ACOT7: variants seen among roughly 807,000 people sequenced by gnomAD.
ACOT7 encodes cytosolic acyl coenzyme A thioester hydrolase.
In ACOT7, 12 loss-of-function variants were observed where a neutral mutation model predicts 40.2. The observed-to-expected ratio is 0.30, with a 90% CI of 0.19 to 0.48. The LOEUF (loss-of-function observed/expected upper bound fraction) is 0.48, where lower values mean the gene tolerates loss of function less well. Ranked by LOEUF, ACOT7 falls within the 20% of genes least tolerant of loss-of-function variation. The pLI is 0.99. For missense variants in ACOT7, 395 were observed against 530.8 expected (o/e 0.74, Z 2.51); for synonymous variants, 228 against 219.5 (o/e 1.04, Z -0.34).
intron 1 of ACOT7, among the ~76,000 whole-genome samples, chr1:6,386,469 C>T (rs548069724): frequency 6.6e-6 from 1 of 152,298 alleles, no homozygotes; most frequent in South Asian, 2.1e-4. Context: ...CCACCTGCTC[C>T]CCATGCCAGG....
Position 6,278,135 on chromosome 1 carries a change from C to T in ACOT7, c.1014+2967G>A, listed in dbSNP as rs1259966876. Reference sequence around the variant, plus strand: ...TGGCGGAGGCGACGCTTCTCTAGAGCGGTTGTGGGTGCCCTTCTAAGGAAA... The same window carrying T: ...TGGCGGAGGCGACGCTTCTCTAGAGTGGTTGTGGGTGCCCTTCTAAGGAAA... On this transcript the variant is annotated intron_variant, in intron 8 of 8. Transcript: ENST00000361521. The surrounding 1 kb of genome is among the most constrained non-coding windows in gnomAD (Gnocchi z 4.1). Among the ~76,000 whole-genome samples the T allele has an allele frequency of 1.3e-5, 2 of 152,020 alleles. No individual in the cohort carries two copies. The highest frequency in any genetic ancestry group is 2.4e-5 in the African/African-American group (1 of 41,360).
At chr1:6,316,742 G>A (rs922391858) in intron 6 of ACOT7, among the ~76,000 whole-genome samples, 4 of 152,186 alleles carry the variant, frequency 2.6e-5, no homozygotes, top group South Asian at 2.1e-4. Flanking sequence ...CCCAGGAGGC[G>A]GAGGATACAG....
At chr1:6,277,978 C>T (rs1639245016) in intron 8 of ACOT7, among the ~76,000 whole-genome samples, 1 of 152,102 alleles carries the variant, frequency 6.6e-6, no homozygotes, top group African/African-American at 2.4e-5. Flanking sequence ...AAGTGCGTGC[C>T]TAAGGCCACA....
intron 6 of ACOT7, among the ~76,000 whole-genome samples, chr1:6,300,720 A>C (rs1639948091): frequency 7.0e-6 from 1 of 143,270 alleles, no homozygotes; most frequent in African/African-American, 2.6e-5. Context: ...CAAACACGGA[A>C]TCTCACCAGA....
In ACOT7 at chr1:6,289,612, G is replaced by C. The variant is rs1242884465; in HGVS notation, c.829+5252C>G. ...TGGTCTCAAACTCCAGGGCTCAAGT[G>C]ATCTTCCTGCCTCAGCCTCACAAAG... On this transcript the variant is annotated intron_variant, in intron 7 of 8. Coordinates refer to ENST00000361521, the MANE Select transcript of ACOT7 (RefSeq NM_007274.4). This position sits in a 1 kb window ranked among gnomAD's most constrained non-coding sequence, Gnocchi z 4.6. 1.3e-5 allele frequency among the ~76,000 whole-genome samples: 2 copies of C among 152,004 alleles called. No individual in the cohort carries two copies. Among genetic ancestry groups the C allele is most frequent in the African/African-American group, 4.8e-5 (2 of 41,372 alleles).
chr1:6,286,072 G>A (rs1271847918), intron 7 of ACOT7, among the ~76,000 whole-genome samples: 1 of 152,160 alleles, frequency 6.6e-6, no homozygotes, highest in Non-Finnish European at 1.5e-5. Context: ...GCCAAGACTC[G>A]GAGGGCTCTG....
chr1:6,294,859 G>A lies in ACOT7; in HGVS notation c.829+5C>T. 8.7e-6 allele frequency: 14 copies of A among 1,612,778 alleles called. No homozygotes were observed. The highest frequency in any genetic ancestry group is 1.2e-5 in the Non-Finnish European group (14 of 1,178,904). On this transcript the variant is annotated splice_donor_5th_base_variant and intron_variant, in intron 7 of 8. Coordinates refer to ENST00000361521, the MANE Select transcript of ACOT7 (RefSeq NM_007274.4). This position sits in a 1 kb window ranked among gnomAD's most constrained non-coding sequence, Gnocchi z 4.6. Reference sequence around the variant, plus strand: ...CTCCCTCGTCTTTGCCAGAAGAGTGGTTACCTTTTCTGATCTTGTCATGAA... The same window carrying A: ...CTCCCTCGTCTTTGCCAGAAGAGTGATTACCTTTTCTGATCTTGTCATGAA...
chr1:6,265,492 C>T (rs934379272), intron 8 of ACOT7, among the ~76,000 whole-genome samples: 3 of 152,214 alleles, frequency 2.0e-5, no homozygotes, highest in Non-Finnish European at 2.9e-5. Flanking sequence ...GACCCCATCT[C>T]ATTGGTCTGG....
At chr1:6,390,723 G>A (rs531779099) in intron 1 of ACOT7, among the ~76,000 whole-genome samples, 21 of 151,752 alleles carry the variant, frequency 1.4e-4, no homozygotes, top group African/African-American at 4.8e-4. Context: ...ATCACCTGAG[G>A]TCAGGAGTTC....
chr1:6,274,108 G>T lies in ACOT7; in HGVS notation c.1014+6994C>A, dbSNP rs549566350. Among the ~76,000 whole-genome samples, 1 of 152,216 alleles carries T rather than the reference G, an allele frequency of 6.6e-6. No individual in the cohort carries two copies. Among genetic ancestry groups the T allele is most frequent in the Non-Finnish European group, 1.5e-5 (1 of 68,024 alleles). ...GCCCCTCTGCACACCGTGCCTGGGG[G>T]TCAGGCAGGTCCTGGGGGTGGGGAG... On this transcript the variant is annotated intron_variant, in intron 8 of 8. Transcript: ENST00000361521. This position sits in a 1 kb window ranked among gnomAD's most constrained non-coding sequence, Gnocchi z 5.9.
chr1:6,281,370 CAG>C, intron 7 of ACOT7, 84 bp from the exon 8 acceptor site: 1 of 1,260,458 alleles, frequency 7.9e-7, no homozygotes, highest in Non-Finnish European at 1.1e-6. Context: ...GGTCAGCAGG[CAG>C]ACACTTGGTT....
intron 6 of ACOT7, among the ~76,000 whole-genome samples, chr1:6,316,098 C>T (rs568857857): frequency 6.6e-4 from 100 of 152,174 alleles, no homozygotes; most frequent in Admixed American, 1.2e-3. Flanking sequence ...TAGTGAAGAA[C>T]GTCTAACATG....
At position 6,336,938 on chromosome 1, in the gene ACOT7, G is replaced by A. The variant is rs868359815; in HGVS notation, c.418+2495C>T. Among the ~76,000 whole-genome samples the A allele has an allele frequency of 7.9e-5, 12 of 152,232 alleles. No individual in the cohort carries two copies. In the South Asian group the frequency reaches 8.3e-4, roughly 10 times the overall value. On this transcript the variant is annotated intron_variant, in intron 3 of 8. Coordinates refer to ENST00000361521, the MANE Select transcript of ACOT7 (RefSeq NM_007274.4). ...GAGTGAGACAACAGCGGGCTCCGGGGCCTGACCAAGATATGGAGAAAAGCT... is the reference window on the plus strand; with the variant it reads ...GAGTGAGACAACAGCGGGCTCCGGGACCTGACCAAGATATGGAGAAAAGCT...
chr1:6,280,094 A>G (rs1639311155), intron 8 of ACOT7, among the ~76,000 whole-genome samples: 1 of 152,250 alleles, frequency 6.6e-6, no homozygotes, highest in East Asian at 1.9e-4. Context: ...ATCAGGGGTC[A>G]GCCTCGCAGG....
chr1:6,379,000 A>C (rs915809511), intron 1 of ACOT7, among the ~76,000 whole-genome samples: 6 of 151,558 alleles, frequency 4.0e-5, no homozygotes, highest in African/African-American at 1.2e-4. Flanking sequence ...GGTTCACACC[A>C]TTCTCCTGCC....
intron 5 of ACOT7, among the ~76,000 whole-genome samples, chr1:6,323,731 AAAAAAAATAT>A (rs1423511668): frequency 4.4e-5 from 4 of 90,152 alleles, no homozygotes; most frequent in African/African-American, 1.1e-4. Flanking sequence ...AAAAAAAAAA[AAAAAAAATAT>A]ATATATATAT....
Position 6,282,615 on chromosome 1 carries a change from C to T in ACOT7, c.830-1329G>A, listed in dbSNP as rs556875829. On this transcript the variant is annotated intron_variant, in intron 7 of 8. Transcript: ENST00000361521. This position sits in a 1 kb window ranked among gnomAD's most constrained non-coding sequence, Gnocchi z 4.5. ...GGTTTAGAGACCCAGAGTGAGAAAG[C>T]GGCCAGGTGGTGGCTGTTGGAGGGC... The T allele has an allele frequency of 2.2e-5, 18 of 835,808 alleles. No homozygotes were observed. Among genetic ancestry groups the T allele is most frequent in the East Asian group, 6.4e-5 (1 of 15,738 alleles). The allele number at this position is 835,808 out of a possible 1,614,324, so 51.8% of individuals were successfully genotyped here. A position where few individuals can be genotyped will look rare whatever the true frequency, so the allele number is the denominator to read the frequency against.
intron 3 of ACOT7, among the ~76,000 whole-genome samples, chr1:6,335,220 G>A (rs1015465134): frequency 1.8e-4 from 27 of 151,580 alleles, no homozygotes; most frequent in African/African-American, 2.4e-4. Context: ...CCAGCTACTC[G>A]GGAGGCTGAG....
chr1:6,393,316 G>T lies in ACOT7; in HGVS notation c.84C>A (p.Ala28=). The change falls in exon 1 of 9, where the codon GCC becomes GCA. Residue 28 remains alanine, a synonymous_variant. Transcript: ENST00000361521. ...ALLQPPAASA[A]AAPSMSGPDV... ...CTGGGCCCGACATGCTGGGGGCTGCGGCGGCGGATGCGGCGGGCGGCTGCA... is the reference window on the plus strand; with the variant it reads ...CTGGGCCCGACATGCTGGGGGCTGCTGCGGCGGATGCGGCGGGCGGCTGCA... 7.8e-7 allele frequency: 1 copy of T among 1,279,344 alleles called. No individual in the cohort carries two copies. The highest frequency in any genetic ancestry group is 9.9e-7 in the Non-Finnish European group (1 of 1,012,884). The allele number at this position is 1,279,344 out of a possible 1,614,324, so 79.2% of individuals were successfully genotyped here. A position where few individuals can be genotyped will look rare whatever the true frequency, so the allele number is the denominator to read the frequency against.
Sources: allele counts gnomAD v4.1 joint callset (sites outside exome capture counted in the v4.1 genomes callset), GRCh38; gene constraint gnomAD v4.1.1; non-coding constraint Gnocchi (gnomAD v3.1); transcripts MANE v1.5; gene names NCBI Gene and HGNC (gene_info 2026-07-23, HGNC 2026-07-21).